Variants in DPF1 observed in about 807,000 individuals in gnomAD.
DPF1 encodes zinc finger protein neuro-d4.
Under a neutral mutation model 58.7 loss-of-function variants are expected in DPF1, and 14 were observed. The observed-to-expected ratio is 0.24, with a 90% CI of 0.16 to 0.37. The LOEUF (loss-of-function observed/expected upper bound fraction) is 0.37, where lower values mean the gene tolerates loss of function less well. DPF1 is among the 10% of genes least tolerant of loss of function. The pLI is 1.00. For synonymous variants in DPF1, 216 were observed against 216.0 expected (o/e 1.00, Z 0.00); for missense variants, 345 against 529.9 (o/e 0.65, Z 3.43).
upstream of DPF1, among the ~76,000 whole-genome samples, chr19:38,225,123 A>G (rs985615248): frequency 2.6e-5 from 4 of 152,202 alleles, no homozygotes; most frequent in African/African-American, 9.6e-5. Context: ...GCGCATGCTT[A>G]TACTCCCCCA....
Position 38,222,642 on chromosome 19 carries a change from G to A in DPF1, c.96C>T (p.Ala32=), listed in dbSNP as rs1428030050. ...GGAAGGGCAGTCGCAGGCTGCGCTC[G>A]GCGCACAGGCGCGCGTTGTAACTGC... ...HCRSYNARLC[A]ERSLRLPFLD... is the part of the protein sequence containing the mutation. The change falls in exon 2 of 12, where the codon GCC becomes GCT. Residue 32 remains alanine, a synonymous_variant. Coordinates refer to ENST00000355526, the MANE Select transcript of DPF1 (RefSeq NM_001135155.3). This position sits in a 1 kb window ranked among gnomAD's most constrained non-coding sequence, Gnocchi z 4.9. 2.5e-6 allele frequency: 4 copies of A among 1,609,060 alleles called. No homozygotes were observed. Among genetic ancestry groups the A allele is most frequent in the African/African-American group, 1.3e-5 (1 of 74,686 alleles).
chr19:38,217,386 C>CCCCCCCCCCCCCCCCGGGCCCTCTTT, intron 7 of DPF1, 74 bp downstream of exon 7: 1 of 661,390 alleles, frequency 1.5e-6, no homozygotes, highest in Admixed American at 3.8e-5. Flanking sequence ...TGCCCCCCCA[C>CCCCCCCCCCCCCCCCGGGCCCTCTTT]CCCCACCCCC....
At chr19:38,226,261 CCTCCCCCTTTCCCCTTCCCACCCCTT>C (rs1299332920), upstream of DPF1, among the ~76,000 whole-genome samples, 13 of 143,714 alleles carry the variant, frequency 9.0e-5, no homozygotes, top group African/African-American at 2.6e-4. Flanking sequence ...TCTCACCCCT[CCTCCCCCTTTCCCCTTCCCACCCCTT>C]CTCCCCCTTT....
intron 3 of DPF1, among the ~76,000 whole-genome samples, chr19:38,221,109 CA>C (rs1967439602): frequency 6.6e-6 from 1 of 152,282 alleles, no homozygotes; most frequent in Admixed American, 6.5e-5. Flanking sequence ...ACACAAGACA[CA>C]AGCCTTCTAA....
rs1295721223 is a variant in DPF1 at position 38,229,343 on chromosome 19, C to T, written c.-132+216G>A. The stretch of plus-strand genomic sequence containing the variant: ...CGCCGCATTCCTTCACTGACAGCGA[C>T]AAAGAAGAGGCGCCCCCGCGACCCT... On this transcript the variant is annotated intron_variant, in intron 1 of 11. Coordinates refer to the DPF1 transcript ENST00000412732. The surrounding 1 kb of genome is among the most constrained non-coding windows in gnomAD (Gnocchi z 5.3). Among the ~76,000 whole-genome samples the T allele has an allele frequency of 6.6e-6, 1 of 151,968 alleles. No homozygotes were observed. The highest frequency in any genetic ancestry group is 2.0e-4 in the East Asian group (1 of 5,124).
intron 3 of DPF1, 168 bp from the exon 4 acceptor site, chr19:38,219,226 A>ACGG: frequency 1.1e-6 from 1 of 910,898 alleles, no homozygotes; most frequent in Non-Finnish European, 1.6e-6. Flanking sequence ...AGACCCAGTC[A>ACGG]CGCCCTCAGA....
In DPF1 at chr19:38,222,350, C is replaced by T. The variant is rs1405215228; in HGVS notation, c.298+7G>A. The stretch of plus-strand genomic sequence containing the variant: ...ACACCGATGGGGGCCCCAGCGGCTG[C>T]ACCCACCGATCTTGTACTCGCAGGG... On this transcript the variant is annotated splice_region_variant and intron_variant, in intron 3 of 11. Coordinates refer to ENST00000355526, the MANE Select transcript of DPF1 (RefSeq NM_001135155.3). The surrounding 1 kb of genome is among the most constrained non-coding windows in gnomAD (Gnocchi z 4.9). The T allele has an allele frequency of 1.1e-5, 18 of 1,588,870 alleles. No homozygotes were observed. Among genetic ancestry groups the T allele is most frequent in the Non-Finnish European group, 1.5e-5 (18 of 1,173,230 alleles).
chr19:38,217,912 T>G (rs1178613792), intron 5 of DPF1, 36 bp from the exon 6 acceptor site: 2 of 1,610,840 alleles, frequency 1.2e-6, no homozygotes, highest in African/African-American at 2.7e-5. Flanking sequence ...GCCAAGAAAG[T>G]GAGAAAACAG....
chr19:38,211,992 G>A lies in DPF1; in HGVS notation c.*71C>T, dbSNP rs973704995. ...CTCCCCCTGCGGGATGTTCAGGGTG[G>A]GGGAGAATTGAGGAGCTCGGAGAGG... On this transcript the variant is annotated 3_prime_UTR_variant, in exon 12 of 12. Transcript: ENST00000355526. This position sits in a 1 kb window ranked among gnomAD's most constrained non-coding sequence, Gnocchi z 4.0. 7.8e-6 allele frequency: 12 copies of A among 1,536,470 alleles called. No individual in the cohort carries two copies. The African/African-American group carries it at 1.6e-4, about 21-fold the overall frequency.
upstream of DPF1, chr19:38,227,941 C>G (rs1967896860): frequency 6.6e-6 from 1 of 152,338 alleles, no homozygotes; most frequent in Non-Finnish European, 1.5e-5. Flanking sequence ...CCAGTCCAGG[C>G]TTACTGTAGC....
Position 38,218,679 on chromosome 19 carries a change from G to C in DPF1, c.427-17C>G. On this transcript the variant is annotated splice_polypyrimidine_tract_variant and intron_variant, in intron 4 of 11. Transcript: ENST00000355526. ...CTGCTGTTTCTGGGCAATAGAGAAA[G>C]GAGACGGGTCAAGAAAGTGGGGGCC... 1 of 1,614,086 alleles carries C rather than the reference G, an allele frequency of 6.2e-7. No individual in the cohort carries two copies. The highest frequency in any genetic ancestry group is 1.1e-5 in the South Asian group (1 of 91,084).
intron 11 of DPF1, 43 bp downstream of exon 11, chr19:38,212,237 T>TGGGGGGGGGCCCCCCCC: frequency 8.0e-7 from 1 of 1,256,816 alleles, no homozygotes; most frequent in Non-Finnish European, 1.1e-6. Flanking sequence ...GGAGATGGCG[T>TGGGGGGGGGCCCCCCCC]TCCCACCCAC....
Position 38,222,967 on chromosome 19 carries a change from G to A in DPF1, c.30-259C>T. 2.0e-6 allele frequency: 1 copy of A among 492,476 alleles called. No individual in the cohort carries two copies. The highest frequency in any genetic ancestry group is 3.6e-6 in the Non-Finnish European group (1 of 281,420). 30.5% of individuals were successfully genotyped at this position (492,476 alleles called of 1,614,324 possible). A position where few individuals can be genotyped will look rare whatever the true frequency, so the allele number is the denominator to read the frequency against. ...TACAGAAACAAACAAAAACACACCG[G>A]GACGTATCCCTACCTGAACACATGC... On this transcript the variant is annotated intron_variant, in intron 1 of 11. Coordinates refer to ENST00000355526, the MANE Select transcript of DPF1 (RefSeq NM_001135155.3). This position sits in a 1 kb window ranked among gnomAD's most constrained non-coding sequence, Gnocchi z 4.9.
At chr19:38,220,843 A>G (rs968407700) in intron 3 of DPF1, among the ~76,000 whole-genome samples, 3 of 152,142 alleles carry the variant, frequency 2.0e-5, no homozygotes, top group Non-Finnish European at 4.4e-5. Context: ...GCTCCTGGGT[A>G]CACACAGACC....
rs748259995 is a variant in DPF1 at position 38,222,524 on chromosome 19, C to G, written c.190+24G>C. The G allele has an allele frequency of 1.1e-5, 17 of 1,605,866 alleles. No individual in the cohort carries two copies. The highest frequency in any genetic ancestry group is 1.2e-5 in the Non-Finnish European group (14 of 1,176,494). On this transcript the variant is annotated intron_variant, in intron 2 of 11. Transcript: ENST00000355526. The surrounding 1 kb of genome is among the most constrained non-coding windows in gnomAD (Gnocchi z 4.9). ...TGGGGCGGCCTGGCCCCGCCCCGCC[C>G]TGCGCCAGCCCTCCCGGCGGTACCC...
intron 9 of DPF1, among the ~76,000 whole-genome samples, chr19:38,215,039 T>C (rs1600241882): frequency 6.6e-6 from 1 of 151,558 alleles, no homozygotes; most frequent in African/African-American, 2.4e-5. Context: ...TTCACCATGT[T>C]GGCCAGGATG....
chr19:38,212,914 G>C (rs1327866719), intron 10 of DPF1, among the ~76,000 whole-genome samples: 1 of 150,758 alleles, frequency 6.6e-6, no homozygotes, highest in African/African-American at 2.4e-5. Flanking sequence ...CTCCCGGTCT[G>C]TGGGAAGTTT....
intron 11 of DPF1, 42 bp downstream of exon 11, chr19:38,212,238 T>TGGGGGGGGGGGGGCC: frequency 1.7e-6 from 1 of 585,180 alleles, no homozygotes. Context: ...GAGATGGCGT[T>TGGGGGGGGGGGGGCC]CCCACCCACC....
chr19:38,216,469 C>G (rs1036816283), intron 7 of DPF1, 66 bp from the exon 8 acceptor site: 2 of 1,502,254 alleles, frequency 1.3e-6, no homozygotes, highest in Admixed American at 2.3e-5. Flanking sequence ...CCCCCAGCCT[C>G]AGCCCCAAGG....
Sources: gnomAD v4.1 joint callset for allele counts (sites outside exome capture counted in the v4.1 genomes callset) on GRCh38, gnomAD v4.1.1 for gene constraint, Gnocchi (gnomAD v3.1) non-coding constraint, MANE v1.5 for transcripts, NCBI Gene and HGNC (gene_info 2026-07-23, HGNC 2026-07-21) for gene names.